Variants in PCCA observed in about 807,000 individuals in gnomAD.
PCCA encodes propionyl-CoA carboxylase alpha chain, mitochondrial.
In PCCA, 74 loss-of-function variants were observed where a neutral mutation model predicts 101.3. The observed-to-expected ratio is 0.73, with a 90% confidence interval of 0.61 to 0.89. The LOEUF (loss-of-function observed/expected upper bound fraction) is 0.89. Ranked by LOEUF, PCCA falls within the 40% of genes least tolerant of loss-of-function variation. The pLI, the probability that PCCA is intolerant of heterozygous loss-of-function variation, is 0.00. For synonymous variants in PCCA, 294 were observed against 313.6 expected (o/e 0.94, Z 0.66); for missense variants, 891 against 907.0 (o/e 0.98, Z 0.23).
intron 12 of PCCA, among the ~76,000 whole-genome samples, chr13:100,298,591 T>C (rs2065748685): frequency 4.0e-5 from 1 of 24,830 alleles, no homozygotes; most frequent in Non-Finnish European, 8.1e-5. Context: ...AACCATCTTT[T>C]CCCTCCCTCC....
intron 7 of PCCA, among the ~76,000 whole-genome samples, chr13:100,228,143 G>T (rs1284218294): frequency 6.6e-6 from 1 of 152,044 alleles, no homozygotes; most frequent in East Asian, 1.9e-4. Flanking sequence ...AGCCCCCGGA[G>T]TAGCTGGGAT....
rs184659191 is a variant in PCCA, at chr13:100,134,130, C to T, written c.301-20849C>T. On this transcript the variant is annotated intron_variant, in intron 4 of 23. Coordinates refer to ENST00000376285, the MANE Select transcript of PCCA (RefSeq NM_000282.4). Reference sequence around the variant, plus strand: ...AGTCAATACTCTTTAATAAACTCCCCTTCATATGTACATCCATACTGTTAG... The same window carrying T: ...AGTCAATACTCTTTAATAAACTCCCTTTCATATGTACATCCATACTGTTAG... Among the ~76,000 whole-genome samples, 268 of 152,276 alleles carry T rather than the reference C, an allele frequency of 1.8e-3. 2 individuals carry two copies. The highest frequency in any genetic ancestry group is 6.1e-3 in the African/African-American group (255 of 41,548).
At chr13:100,105,844 CAAAAAAAAAAAAAAAA>C (rs71114671) in intron 2 of PCCA, among the ~76,000 whole-genome samples, 24 of 62,506 alleles carry the variant, frequency 3.8e-4, no homozygotes, top group Admixed American at 1.8e-3. Flanking sequence ...GATCCTGTCT[CAAAAAAAAAAAAAAAA>C]AAAAAAAAAA....
intron 4 of PCCA, among the ~76,000 whole-genome samples, chr13:100,125,128 C>A (rs1443294110): frequency 1.2e-5 from 1 of 83,694 alleles, no homozygotes; most frequent in East Asian, 4.5e-4. Context: ...ATCAGGTGAC[C>A]TTTTATTTGT....
At chr13:100,243,729 A>G (rs181185496) in intron 8 of PCCA, among the ~76,000 whole-genome samples, 70 of 152,246 alleles carry the variant, frequency 4.6e-4, no homozygotes, top group Admixed American at 2.3e-3. Flanking sequence ...TGGCTCTCCC[A>G]TTTGACTTAT....
At chr13:100,169,960 G>C (rs2055469200) in intron 6 of PCCA, among the ~76,000 whole-genome samples, 2 of 152,018 alleles carry the variant, frequency 1.3e-5, no homozygotes, top group Admixed American at 1.3e-4. Flanking sequence ...TCAGCCTCCG[G>C]AAGTGCTGGG....
intron 7 of PCCA, among the ~76,000 whole-genome samples, chr13:100,216,754 G>T (rs530076099): frequency 6.6e-6 from 1 of 152,208 alleles, no homozygotes; most frequent in Non-Finnish European, 1.5e-5. Context: ...AATTGGCTGA[G>T]ATAACTACGA....
intron 21 of PCCA, among the ~76,000 whole-genome samples, chr13:100,463,410 C>A (rs2082307686): frequency 7.0e-6 from 1 of 143,532 alleles, no homozygotes; most frequent in South Asian, 2.3e-4. Context: ...TTGAGAGCCA[C>A]TTCTTTAGAA....
chr13:100,435,561 C>T (rs1388816783), intron 20 of PCCA, among the ~76,000 whole-genome samples: 1 of 152,164 alleles, frequency 6.6e-6, no homozygotes, highest in Non-Finnish European at 1.5e-5. Context: ...TGGTAAACTT[C>T]ATAAGTTTAA....
intron 4 of PCCA, among the ~76,000 whole-genome samples, chr13:100,128,758 A>G (rs1187083706): frequency 6.6e-6 from 1 of 151,956 alleles, no homozygotes; most frequent in African/African-American, 2.4e-5. Context: ...TTTTAACACT[A>G]TTACCCTTTT....
intron 1 of PCCA, among the ~76,000 whole-genome samples, chr13:100,089,550 C>A (rs888181457): frequency 6.6e-6 from 1 of 152,200 alleles, no homozygotes; most frequent in African/African-American, 2.4e-5. Context: ...CAGGGCCCCG[C>A]GGCATTGGCT....
chr13:100,416,429 G>A (rs535712814), intron 19 of PCCA, among the ~76,000 whole-genome samples: 29 of 152,042 alleles, frequency 1.9e-4, no homozygotes, highest in Middle Eastern at 3.4e-3. Flanking sequence ...TACTCCGCCC[G>A]CCTCGGCCTC....
intron 4 of PCCA, among the ~76,000 whole-genome samples, chr13:100,120,198 A>C (rs2049238649): frequency 8.4e-6 from 1 of 118,894 alleles, no homozygotes. Context: ...TTTTTTTTTG[A>C]GACAGAGCCT....
At chr13:100,286,152 A>G (rs2064625642) in intron 12 of PCCA, among the ~76,000 whole-genome samples, 1 of 152,190 alleles carries the variant, frequency 6.6e-6, no homozygotes, top group African/African-American at 2.4e-5. Flanking sequence ...CGGGACTAAG[A>G]TGTTCTGTGA....
intron 12 of PCCA, among the ~76,000 whole-genome samples, chr13:100,280,719 C>G (rs780764707): frequency 4.6e-5 from 7 of 152,180 alleles, no homozygotes; most frequent in Non-Finnish European, 1.0e-4. Context: ...CACACAGGGT[C>G]TACTTCATTT....
chr13:100,114,977 C>G (rs2048668167), intron 4 of PCCA, among the ~76,000 whole-genome samples: 1 of 152,162 alleles, frequency 6.6e-6, no homozygotes, highest in Non-Finnish European at 1.5e-5. Flanking sequence ...TATCTGCACT[C>G]CCATGTTTAT....
chr13:100,497,255 T>C (rs534043991), intron 21 of PCCA, among the ~76,000 whole-genome samples: 87 of 152,274 alleles, frequency 5.7e-4, no homozygotes, highest in African/African-American at 2.0e-3. Flanking sequence ...TTGCAAAAAA[T>C]TGTCACTTCT....
intron 21 of PCCA, among the ~76,000 whole-genome samples, chr13:100,512,420 C>T (rs1008587505): frequency 5.9e-5 from 9 of 152,176 alleles, no homozygotes; most frequent in African/African-American, 1.9e-4. Context: ...GGAGTCCCAC[C>T]AGGCCAAGCC....
chr13:100,171,999 TC>T, intron 6 of PCCA, among the ~76,000 whole-genome samples: 1 of 148,094 alleles, frequency 6.8e-6, no homozygotes, highest in East Asian at 2.0e-4. Context: ...GCCACTGCAT[TC>T]CAGCTTGGGT....
Sources: allele counts gnomAD v4.1 joint callset (sites outside exome capture counted in the v4.1 genomes callset), GRCh38; gene constraint gnomAD v4.1.1; transcripts MANE v1.5; gene names NCBI Gene and HGNC (gene_info 2026-07-23, HGNC 2026-07-21).